CFAP58: variants seen among roughly 807,000 people sequenced by gnomAD.
CFAP58 encodes cilia- and flagella-associated protein 58.
CFAP58 carries 88 observed loss-of-function variants against 119.5 expected under a neutral mutation model. The ratio of observed to expected loss-of-function variants is 0.74; its 90% CI spans 0.62 to 0.88. The LOEUF is 0.88. CFAP58 is among the 40% of genes least tolerant of loss of function. The pLI, the probability that CFAP58 is intolerant of heterozygous loss-of-function variation, is 0.00. For missense variants in CFAP58, 990 were observed against 1,021.2 expected, an observed-to-expected ratio of 0.97 and a Z score of 0.42; for synonymous variants, 365 against 366.3, an observed-to-expected ratio of 1.00 and a Z score of 0.04.
At position 104,418,716 on chromosome 10, in the gene CFAP58, G is replaced by C. The variant is rs143231618; in HGVS notation, c.2256+11923G>C. ...GTAATTATTCAGTTATTAAGGAACTGCTTTAAGATCTGGAAGGCAGAATTC... is the reference window on the plus strand; with the variant it reads ...GTAATTATTCAGTTATTAAGGAACTCCTTTAAGATCTGGAAGGCAGAATTC... On this transcript the variant is annotated intron_variant, in intron 15 of 17. Transcript: ENST00000369704. 7.4e-3 allele frequency among the ~76,000 whole-genome samples: 1,134 copies of C among 152,252 alleles called. 15 individuals carry two copies. The highest frequency in any genetic ancestry group is 0.026 in the African/African-American group (1,077 of 41,534).
At chr10:104,435,625 C>T (rs1440981804) in intron 15 of CFAP58, among the ~76,000 whole-genome samples, 1 of 152,208 alleles carries the variant, frequency 6.6e-6, no homozygotes, top group East Asian at 1.9e-4. Flanking sequence ...GCAGATTCTC[C>T]TCCCTTGTTG....
At chr10:104,401,650 T>A (rs1369271839) in intron 13 of CFAP58, among the ~76,000 whole-genome samples, 1 of 152,230 alleles carries the variant, frequency 6.6e-6, no homozygotes, top group East Asian at 1.9e-4. Context: ...ATGGTTTGGA[T>A]CTGCTTCTCA....
intron 15 of CFAP58, among the ~76,000 whole-genome samples, chr10:104,438,335 T>TTTTTTGTTTTTTG (rs1216695414): frequency 2.3e-5 from 3 of 132,672 alleles, no homozygotes; most frequent in Non-Finnish European, 4.7e-5. Flanking sequence ...TGTTTTTTTG[T>TTTTTTGTTTTTTG]TTTTTGTTTT....
chr10:104,385,240 C>A (rs996560433), intron 9 of CFAP58, among the ~76,000 whole-genome samples: 6 of 151,940 alleles, frequency 3.9e-5, no homozygotes, highest in African/African-American at 1.5e-4. Context: ...TCCAAGAATT[C>A]TTGGAGATAT....
At chr10:104,377,624 G>A (rs1196181326) in intron 8 of CFAP58, among the ~76,000 whole-genome samples, 1 of 152,150 alleles carries the variant, frequency 6.6e-6, no homozygotes, top group Non-Finnish European at 1.5e-5. Context: ...GGTGGTTGTG[G>A]GGGATGGTGG....
rs1032838048 is a variant in CFAP58, at chr10:104,399,597, C to T, written c.1815+97C>T. ...TTCCTTCCTCTCTAAGCTCTTCCAA[C>T]CAGCCCTATTGGAAGAACAGCAGCA... On this transcript the variant is annotated intron_variant, in intron 12 of 17. Coordinates refer to ENST00000369704, the MANE Select transcript of CFAP58 (RefSeq NM_001008723.2). 19 of 1,280,564 alleles carry T rather than the reference C, an allele frequency of 1.5e-5. No homozygotes were observed. The African/African-American group carries it at 1.8e-4, about 12-fold the overall frequency. 79.3% of individuals were successfully genotyped at this position (1,280,564 alleles called of 1,614,324 possible). A position where few individuals can be genotyped will look rare whatever the true frequency, so the allele number is the denominator to read the frequency against.
intron 15 of CFAP58, among the ~76,000 whole-genome samples, chr10:104,446,274 G>A (rs1185475774): frequency 2.0e-5 from 3 of 152,128 alleles, no homozygotes; most frequent in African/African-American, 7.2e-5. Flanking sequence ...TCTTTGGCAC[G>A]GGCTTTTGGA....
intron 12 of CFAP58, 60 bp from the exon 13 acceptor site, chr10:104,400,620 C>A: frequency 1.5e-6 from 2 of 1,351,848 alleles, no homozygotes; most frequent in Non-Finnish European, 2.1e-6. Flanking sequence ...ATGGTGCTGT[C>A]ACAGTGAAAA....
intron 1 of CFAP58, among the ~76,000 whole-genome samples, chr10:104,356,369 T>C (rs2014542766): frequency 6.6e-6 from 1 of 152,224 alleles, no homozygotes; most frequent in South Asian, 2.1e-4. Flanking sequence ...CTCCTTAAAA[T>C]CTTCAGGGTG....
At chr10:104,342,666 C>CA in the CFAP58 span, among the ~76,000 whole-genome samples, 4,644 of 90,330 alleles carry the variant, frequency 0.051, 110 homozygotes, top group South Asian at 0.057. Context: ...CCCGTCTATA[C>CA]AAAAAAAAAA....
rs142766154 is a variant in CFAP58, at chr10:104,437,617, C to T, written c.2257-10081C>T. On this transcript the variant is annotated intron_variant, in intron 15 of 17. Transcript: ENST00000369704. The stretch of plus-strand genomic sequence containing the variant: ...TTAGAAAAATGATAATAGAAAAATG[C>T]TGGAATCATGTACAAAGGCAATGAT... Among the ~76,000 whole-genome samples the T allele has an allele frequency of 6.0e-3, 912 of 151,900 alleles. 11 individuals are homozygous for T. The highest frequency in any genetic ancestry group is 0.02 in the African/African-American group (827 of 41,392).
chr10:104,399,635 G>C, intron 12 of CFAP58, 135 bp downstream of exon 12: 1 of 884,964 alleles, frequency 1.1e-6, no homozygotes, highest in Non-Finnish European at 1.7e-6. Context: ...GACCCATCTT[G>C]TGTTGATTAA....
At chr10:104,396,369 T>TGAGAGAGAGAGAGAGAGAGAGA (rs57210958) in intron 11 of CFAP58, among the ~76,000 whole-genome samples, 42 of 86,868 alleles carry the variant, frequency 4.8e-4, no homozygotes, top group Non-Finnish European at 7.2e-4. Flanking sequence ...CTGTTATCCA[T>TGAGAGAGAGAGAGAGAGAGAGA]GAGAGAGAGA....
intron 7 of CFAP58, among the ~76,000 whole-genome samples, chr10:104,371,878 C>T (rs112024107): frequency 9.8e-5 from 15 of 152,294 alleles, no homozygotes; most frequent in African/African-American, 3.1e-4. Context: ...CACTGAAGTA[C>T]GTGAGGCAGG....
In CFAP58 at chr10:104,454,666, A is replaced by T. The variant is rs925639005; in HGVS notation, c.*136A>T. 1.5e-6 allele frequency: 1 copy of T among 655,252 alleles called. No individual in the cohort carries two copies. The allele number at this position is 655,252 out of a possible 1,614,324, so 40.6% of individuals were successfully genotyped here. A position where few individuals can be genotyped will look rare whatever the true frequency, so the allele number is the denominator to read the frequency against. On this transcript the variant is annotated 3_prime_UTR_variant, in exon 18 of 18. Transcript: ENST00000369704. ...ATGGAAAGAAATGCAGAACTATCAT[A>T]GTCACATACATATAAGAGGGATGGT... is the stretch of plus-strand genomic sequence containing the variant.
At position 104,429,557 on chromosome 10, in the gene CFAP58, C is replaced by T. The variant is rs1440647979; in HGVS notation, c.2257-18141C>T. Among the ~76,000 whole-genome samples the T allele has an allele frequency of 3.0e-4, 45 of 152,140 alleles. 1 individual carries two copies. Among genetic ancestry groups the T allele is most frequent in the Admixed American group, 2.9e-3 (44 of 15,280 alleles). On this transcript the variant is annotated intron_variant, in intron 15 of 17. Transcript: ENST00000369704. ...TCCTTGTTAAGGATCCGTTAGTAAGCGTCACTTCTGAAATTGATGTGTATT... is the reference window on the plus strand; with the variant it reads ...TCCTTGTTAAGGATCCGTTAGTAAGTGTCACTTCTGAAATTGATGTGTATT...
intron 1 of CFAP58, among the ~76,000 whole-genome samples, chr10:104,357,840 C>T (rs949072442): frequency 1.1e-4 from 8 of 71,122 alleles, no homozygotes; most frequent in Non-Finnish European, 1.5e-4. Flanking sequence ...TATATGTACA[C>T]ATATGTACAC....
intron 10 of CFAP58, among the ~76,000 whole-genome samples, chr10:104,392,904 G>A (rs1207747469): frequency 6.6e-6 from 1 of 152,072 alleles, no homozygotes; most frequent in African/African-American, 2.4e-5. Flanking sequence ...GCCTCCCAAA[G>A]TGCTGGGATT....
intron 3 of CFAP58, among the ~76,000 whole-genome samples, chr10:104,364,208 T>G (rs1158986109): frequency 6.6e-6 from 1 of 152,204 alleles, no homozygotes; most frequent in Admixed American, 6.5e-5. Context: ...TTTATAGCTG[T>G]GATCATAGCC....
Sources: allele counts gnomAD v4.1 joint callset (sites outside exome capture counted in the v4.1 genomes callset), GRCh38; gene constraint gnomAD v4.1.1; transcripts MANE v1.5; gene names NCBI Gene and HGNC (gene_info 2026-07-23, HGNC 2026-07-21).